CPM: variants seen among roughly 807,000 people sequenced by gnomAD.
CPM encodes the protein carboxypeptidase M, also known as renal carboxypeptidase.
A neutral mutation model predicts 46.4 loss-of-function variants in CPM; 35 were observed. That is an observed-to-expected ratio of 0.75 (90% CI 0.58 to 1.00). The LOEUF (loss-of-function observed/expected upper bound fraction) is 1.00, where lower values mean the gene tolerates loss of function less well. Ranked by LOEUF, CPM falls within the 50% of genes least tolerant of loss-of-function variation. CPM has a pLI of 0.00. For missense variants in CPM, 422 were observed against 530.4 expected (o/e 0.80, Z 2.01); for synonymous variants, 195 against 195.3 (o/e 1.00, Z 0.01).
intron 2 of CPM, among the ~76,000 whole-genome samples, chr12:68,930,714 A>G (rs149507443): frequency 3.4e-3 from 525 of 152,390 alleles, no homozygotes; most frequent in African/African-American, 0.012. Context: ...GTAAAATTAA[A>G]AACAAAATTA....
intron 3 of CPM, among the ~76,000 whole-genome samples, chr12:68,875,119 G>A (rs1016013722): frequency 6.6e-6 from 1 of 152,170 alleles, no homozygotes; most frequent in African/African-American, 2.4e-5. Context: ...GGGAGGCTGA[G>A]GTGGGCAGAT....
chr12:68,864,179 T>C (rs1050748405), intron 7 of CPM, among the ~76,000 whole-genome samples: 3 of 152,230 alleles, frequency 2.0e-5, no homozygotes, highest in African/African-American at 7.2e-5. Context: ...GCATGGTGGC[T>C]CATGCCTGTA....
intron 1 of CPM, 129 bp downstream of exon 1, chr12:68,933,013 A>G (rs1888578052): frequency 5.4e-6 from 3 of 557,476 alleles, no homozygotes; most frequent in Admixed American, 3.3e-5. Context: ...GCAACCAGAG[A>G]CCGGGAGCAC....
At chr12:68,926,526 C>A (rs138736360) in intron 2 of CPM, among the ~76,000 whole-genome samples, 1,800 of 152,110 alleles carry the variant, frequency 0.012, 19 homozygotes, top group Middle Eastern at 0.034. Flanking sequence ...TCATCCCCAT[C>A]TGTGTCAAGC....
chr12:68,924,458 C>T (rs545648730), intron 2 of CPM, among the ~76,000 whole-genome samples: 119 of 142,010 alleles, frequency 8.4e-4, no homozygotes, highest in Middle Eastern at 3.5e-3. Context: ...CCAGCATGGG[C>T]GACAGAGCGA....
intron 2 of CPM, among the ~76,000 whole-genome samples, chr12:68,926,473 A>G (rs1449695937): frequency 6.6e-6 from 1 of 152,144 alleles, no homozygotes; most frequent in African/African-American, 2.4e-5. Context: ...TGCCCAAACC[A>G]TGGTCCTAAA....
At chr12:68,888,415 C>A (rs73338440) in intron 2 of CPM, among the ~76,000 whole-genome samples, 1 of 152,138 alleles carries the variant, frequency 6.6e-6, no homozygotes, top group Non-Finnish European at 1.5e-5. Context: ...CTTGAACAAC[C>A]TCAGTGACAC....
chr12:68,919,958 T>C (rs1887966070), intron 2 of CPM, among the ~76,000 whole-genome samples: 1 of 152,240 alleles, frequency 6.6e-6, no homozygotes, highest in Non-Finnish European at 1.5e-5. Flanking sequence ...AGGTGGAGCC[T>C]GGTGGGAGAC....
chr12:68,910,129 T>A (rs187704704), intron 2 of CPM, among the ~76,000 whole-genome samples: 31 of 152,312 alleles, frequency 2.0e-4, no homozygotes, highest in Admixed American at 5.2e-4. Context: ...ATGGAGCTAA[T>A]GTGCTTGTTT....
intron 6 of CPM, among the ~76,000 whole-genome samples, chr12:68,868,449 C>A (rs759780119): frequency 6.6e-6 from 1 of 152,188 alleles, no homozygotes; most frequent in African/African-American, 2.4e-5. Flanking sequence ...GAAATGCATG[C>A]CGCAACTTGC....
intron 2 of CPM, among the ~76,000 whole-genome samples, chr12:68,896,523 G>C (rs1886882615): frequency 6.6e-6 from 1 of 152,176 alleles, no homozygotes; most frequent in Non-Finnish European, 1.5e-5. Flanking sequence ...CTTGGAGTCC[G>C]AGTCACCTTT....
At position 68,854,081 on chromosome 12, in the gene CPM, C is replaced by T. The variant is rs965657129; in HGVS notation, c.*2356G>A. The stretch of plus-strand genomic sequence containing the variant: ...GTTAGGAGGTAACATAATACCTTTA[C>T]TACCAATCTTAGGATCAATTCAAGG... On this transcript the variant is annotated 3_prime_UTR_variant, in exon 9 of 9. Transcript: ENST00000551568. 6.6e-6 allele frequency: 1 copy of T among 152,088 alleles called. No individual in the cohort carries two copies. The highest frequency in any genetic ancestry group is 2.4e-5 in the African/African-American group (1 of 41,390). The allele number at this position is 152,088 out of a possible 1,614,324, so 9.4% of individuals were successfully genotyped here.
chr12:68,875,595 A>C (rs10748112), intron 3 of CPM, among the ~76,000 whole-genome samples: 122,900 of 151,814 alleles, frequency 0.81, 49,975 homozygotes, highest in African/African-American at 0.9. Context: ...CGCCTGAGGT[A>C]GGGAGTTCGA....
In CPM at chr12:68,853,478, T is replaced by C. The variant is rs555077435; in HGVS notation, c.*2959A>G. On this transcript the variant is annotated 3_prime_UTR_variant, in exon 9 of 9. Coordinates refer to ENST00000551568, the MANE Select transcript of CPM (RefSeq NM_198320.5). ...GGTTTAAATAAGCCTCCAATTTGTT[T>C]ATATTTATTAACATGTATGATTTTG... 6.6e-6 allele frequency: 1 copy of C among 152,318 alleles called. No homozygotes were observed. Among genetic ancestry groups the C allele is most frequent in the African/African-American group, 2.4e-5 (1 of 41,574 alleles). 9.4% of individuals were successfully genotyped at this position (152,318 alleles called of 1,614,324 possible).
intron 2 of CPM, among the ~76,000 whole-genome samples, chr12:68,890,488 C>T (rs2013072): frequency 0.88 from 133,301 of 152,214 alleles, 58,446 homozygotes; most frequent in Non-Finnish European, 0.89. Flanking sequence ...AGCCACAATG[C>T]ATAGTTGAGG....
rs55707865 is a variant in CPM at position 68,853,917 on chromosome 12, G to T, written c.*2520C>A. On this transcript the variant is annotated 3_prime_UTR_variant, in exon 9 of 9. Coordinates refer to ENST00000551568, the MANE Select transcript of CPM (RefSeq NM_198320.5). Reference sequence around the variant, plus strand: ...ATTTTTTTTTTCTTTTCTGTTTAGTGCTTTACCCCTTAATTCTTATAGGTA... The same window carrying T: ...ATTTTTTTTTTCTTTTCTGTTTAGTTCTTTACCCCTTAATTCTTATAGGTA... 0.055 allele frequency: 8,400 copies of T among 151,596 alleles called. 781 individuals carry two copies. Among genetic ancestry groups the T allele is most frequent in the African/African-American group, 0.19 (7,897 of 41,328 alleles). The allele number at this position is 151,596 out of a possible 1,614,324, so 9.4% of individuals were successfully genotyped here.
intron 1 of CPM, among the ~76,000 whole-genome samples, chr12:68,946,874 G>A (rs1434867659): frequency 6.6e-6 from 1 of 152,196 alleles, no homozygotes; most frequent in African/African-American, 2.4e-5. Flanking sequence ...TTACTCAGTT[G>A]TTAAAAGCTG....
rs545830460 is a variant in CPM at position 68,894,398 on chromosome 12, A to G, written c.161-8509T>C. On this transcript the variant is annotated intron_variant, in intron 2 of 8. Coordinates refer to ENST00000551568, the MANE Select transcript of CPM (RefSeq NM_198320.5). ...GCGTTTTCTTGATAAATATTGGCAC[A>G]TAACATCCAGAGTCTTCCCTCGGTG... 2.6e-5 allele frequency among the ~76,000 whole-genome samples: 4 copies of G among 152,284 alleles called. No homozygotes were observed. The East Asian group carries it at 7.7e-4, about 29-fold the overall frequency.
At chr12:68,956,877 G>A (rs59731506) in intron 1 of CPM, among the ~76,000 whole-genome samples, 2,193 of 152,292 alleles carry the variant, frequency 0.014, 43 homozygotes, top group African/African-American at 0.05. Flanking sequence ...TTCAACACAG[G>A]TCTGGTAAAT....
Sources: gnomAD v4.1 joint callset for allele counts (sites outside exome capture counted in the v4.1 genomes callset) on GRCh38, gnomAD v4.1.1 for gene constraint, MANE v1.5 for transcripts, NCBI Gene and HGNC (gene_info 2026-07-23, HGNC 2026-07-21) for gene names.